APPBP2: variants seen among roughly 807,000 people sequenced by gnomAD.
The protein encoded by APPBP2 is amyloid protein-binding protein 2.
Under a neutral mutation model 76.0 loss-of-function variants are expected in APPBP2, and 15 were observed. The ratio of observed to expected loss-of-function variants is 0.20; its 90% confidence interval spans 0.13 to 0.30. APPBP2 has a LOEUF of 0.30. Ranked by LOEUF, APPBP2 falls within the 10% of genes least tolerant of loss-of-function variation. The pLI, the probability that APPBP2 is intolerant of heterozygous loss-of-function variation, is 1.00. For missense variants in APPBP2, 401 were observed against 687.2 expected, an observed-to-expected ratio of 0.58 and a Z score of 4.66; for synonymous variants, 222 against 242.2, an observed-to-expected ratio of 0.92 and a Z score of 0.77.
intron 3 of APPBP2, among the ~76,000 whole-genome samples, chr17:60,479,857 T>A (rs551699696): frequency 3.3e-5 from 5 of 152,192 alleles, no homozygotes; most frequent in African/African-American, 1.2e-4. Context: ...GGTAACTACA[T>A]AACTACACGA....
At chr17:60,455,793 C>CTTTTTTATTTTTTTTTTTTT (rs375591405) in intron 10 of APPBP2, among the ~76,000 whole-genome samples, 1 of 151,162 alleles carries the variant, frequency 6.6e-6, no homozygotes, top group African/African-American at 2.5e-5. Context: ...ATTTTTTTTT[C>CTTTTTTATTTTTTTTTTTTT]TTGAGACAGA....
At chr17:60,516,525 G>C (rs1468510319) in intron 1 of APPBP2, among the ~76,000 whole-genome samples, 1 of 152,156 alleles carries the variant, frequency 6.6e-6, no homozygotes, top group Non-Finnish European at 1.5e-5. Context: ...TCATTTGCAA[G>C]ATTCATTCAT....
At chr17:60,523,441 G>A (rs1034675486) in intron 1 of APPBP2, among the ~76,000 whole-genome samples, 1 of 152,052 alleles carries the variant, frequency 6.6e-6, no homozygotes, top group African/African-American at 2.4e-5. Context: ...AGGTTGCGGT[G>A]AGCTATGATC....
At chr17:60,465,112 A>G (rs1331571104) in intron 5 of APPBP2, 1 of 152,170 alleles carries the variant, frequency 6.6e-6, no homozygotes, top group Non-Finnish European at 1.5e-5. Flanking sequence ...GAAATGTGCC[A>G]CTTCTGGAAG....
intron 12 of APPBP2, among the ~76,000 whole-genome samples, chr17:60,450,013 G>C (rs12946155): frequency 6.6e-6 from 1 of 151,782 alleles, no homozygotes; most frequent in Admixed American, 6.5e-5. Flanking sequence ...GCCAGGCTGG[G>C]CTTGGACTCC....
chr17:60,469,317 T>TC (rs2090534230), intron 4 of APPBP2, among the ~76,000 whole-genome samples: 1 of 116,644 alleles, frequency 8.6e-6, no homozygotes, highest in South Asian at 2.6e-4. Context: ...AGAGCAAGAC[T>TC]CCATCTCAAA....
intron 1 of APPBP2, among the ~76,000 whole-genome samples, chr17:60,523,203 C>G (rs907720828): frequency 2.0e-5 from 3 of 152,010 alleles, no homozygotes; most frequent in Non-Finnish European, 4.4e-5. Context: ...AAATTGGAAA[C>G]AGTAAGCCTC....
rs928826645 is a variant in APPBP2, at chr17:60,454,369, A to C, written c.1271T>G (p.Phe424Cys). The C allele has an allele frequency of 9.3e-6, 15 of 1,611,472 alleles. No individual in the cohort carries two copies. The highest frequency in any genetic ancestry group is 3.4e-6 in the Non-Finnish European group (4 of 1,178,876). The change falls in exon 11 of 13, where the codon TTT becomes TGT. Residue 424 changes from phenylalanine (F) to cysteine (C), a missense_variant. Phe to Cys is a radical substitution (Grantham distance 205). Around this residue, in one of 5 missense-constraint regions of APPBP2, gnomAD observed 130 missense variants for 322.7 expected, o/e 0.40. Transcript: ENST00000083182. ...ATAGTGTTTTGCAGTCTGTACATTA[A>C]ATTCCCCAAAAGCTTTTTTAGCTAG... ...LQLAKKAFGEFNVQTAKHYGN... is the reference protein window; with the variant it reads ...LQLAKKAFGECNVQTAKHYGN...
intron 3 of APPBP2, among the ~76,000 whole-genome samples, chr17:60,493,760 C>CAA (rs2090751092): frequency 6.6e-6 from 1 of 151,776 alleles, no homozygotes; most frequent in Non-Finnish European, 1.5e-5. Flanking sequence ...ATGCCTCATC[C>CAA]TCCCAAGTAG....
At position 60,446,062 on chromosome 17, in the gene APPBP2, TAAAAG is replaced by T. The variant is rs1354770927; in HGVS notation, c.*1514_*1518del. ...TTCCCCTCTCACCCAACATGCATGT[TAAAAG>T]AAAACTAAAATTCAACACACATCCA... On this transcript the variant is annotated 3_prime_UTR_variant, in exon 13 of 13. Transcript: ENST00000083182. 6.6e-6 allele frequency: 1 copy of T among 152,120 alleles called. No homozygotes were observed. Among genetic ancestry groups the T allele is most frequent in the East Asian group, 1.9e-4 (1 of 5,196 alleles). 9.4% of individuals were successfully genotyped at this position (152,120 alleles called of 1,614,324 possible).
intron 9 of APPBP2, 126 bp downstream of exon 9, chr17:60,460,537 G>A: frequency 1.0e-6 from 1 of 967,140 alleles, no homozygotes; most frequent in Non-Finnish European, 1.4e-6. Flanking sequence ...GCTCCAGGAA[G>A]ACAAGTTCAA....
In APPBP2 at chr17:60,494,615, T is replaced by C. The variant is rs150102587; in HGVS notation, c.230A>G (p.His77Arg). Residue 77 changes from histidine (H) to arginine (R), a missense_variant and splice_region_variant, in exon 3 of 13, where the codon CAT (histidine) becomes CGT (arginine). His to Arg is a conservative substitution (Grantham distance 29, BLOSUM62 0). Transcript: ENST00000083182. ...AGCCTGAAAACAATGATGAAGCAAA[T>C]GTCTGTAAGAAAAGAAAAAGATTAT... Reference protein sequence around the residue: ...AKVLRALDKRHLLHHCFQALM... With the variant: ...AKVLRALDKRRLLHHCFQALM... 567 of 1,576,180 alleles carry C rather than the reference T, an allele frequency of 3.6e-4. No homozygotes were observed. The highest frequency in any genetic ancestry group is 4.7e-4 in the Non-Finnish European group (551 of 1,170,692).
At chr17:60,491,996 G>T (rs1046265898) in intron 3 of APPBP2, among the ~76,000 whole-genome samples, 2 of 152,176 alleles carry the variant, frequency 1.3e-5, no homozygotes, top group African/African-American at 2.4e-5. Context: ...ATGGTTTTGT[G>T]AGTTGAGCCC....
intron 3 of APPBP2, among the ~76,000 whole-genome samples, chr17:60,482,180 C>T (rs1004185472): frequency 2.9e-4 from 44 of 152,286 alleles, no homozygotes; most frequent in Non-Finnish European, 5.7e-4. Flanking sequence ...CGCGTCCGGC[C>T]GGGTTACTAC....
At chr17:60,504,588 A>T (rs1480603585) in intron 1 of APPBP2, among the ~76,000 whole-genome samples, 3 of 152,210 alleles carry the variant, frequency 2.0e-5, no homozygotes, top group South Asian at 2.1e-4. Flanking sequence ...TTGCTTTCCT[A>T]AGCATCACAT....
intron 6 of APPBP2, 91 bp from the exon 7 acceptor site, chr17:60,462,152 A>G (rs1235953831): frequency 6.0e-6 from 6 of 997,754 alleles, no homozygotes; most frequent in Non-Finnish European, 9.3e-6. Context: ...ATAAGAGTTA[A>G]TAAGAAAAAA....
At position 60,468,816 on chromosome 17, in the gene APPBP2, A is replaced by G. The variant is rs138053093; in HGVS notation, c.504-2357T>C. On this transcript the variant is annotated intron_variant, in intron 4 of 12. Coordinates refer to ENST00000083182, the MANE Select transcript of APPBP2 (RefSeq NM_006380.5). ...CATGTAAACACAGTATTTTACTTTC[A>G]TAACATAAAATTATGTCTACCTGAT... 8.0e-3 allele frequency among the ~76,000 whole-genome samples: 1,220 copies of G among 152,344 alleles called. 11 individuals carry two copies. Among genetic ancestry groups the G allele is most frequent in the Middle Eastern group, 0.044 (13 of 294 alleles).
chr17:60,511,701 T>C (rs1464690041), intron 1 of APPBP2, among the ~76,000 whole-genome samples: 2 of 152,152 alleles, frequency 1.3e-5, no homozygotes, highest in Admixed American at 6.6e-5. Context: ...AGCATTTATG[T>C]TTTTAAAAAC....
At chr17:60,481,453 T>C (rs1381054126) in intron 3 of APPBP2, among the ~76,000 whole-genome samples, 1 of 152,116 alleles carries the variant, frequency 6.6e-6, no homozygotes, top group East Asian at 1.9e-4. Context: ...TTTATGCTGA[T>C]AATTGATTTT....
Sources: allele counts gnomAD v4.1 joint callset (sites outside exome capture counted in the v4.1 genomes callset), GRCh38; gene constraint gnomAD v4.1.1; regional missense constraint gnomAD v4.1.1; transcripts MANE v1.5; gene names NCBI Gene and HGNC (gene_info 2026-07-23, HGNC 2026-07-21).